NAALADL2: variants seen among roughly 807,000 people sequenced by gnomAD.
NAALADL2 encodes the protein N-acetylated alpha-linked acidic dipeptidase like 2, also known as inactive N-acetylated-alpha-linked acidic dipeptidase-like protein 2.
NAALADL2 carries 76 observed loss-of-function variants against 87.2 expected under a neutral mutation model. That is an observed-to-expected ratio of 0.87 (90% CI 0.72 to 1.05). The LOEUF (loss-of-function observed/expected upper bound fraction) is 1.05, where lower values mean the gene tolerates loss of function less well. Ranked by LOEUF, NAALADL2 falls within the 50% of genes least tolerant of loss-of-function variation. NAALADL2 has a pLI of 0.00. For synonymous variants in NAALADL2, 354 were observed against 331.0 expected (o/e 1.07, Z -0.75); for missense variants, 1,089 against 945.8 (o/e 1.15, Z -1.99).
chr3:174,859,768 T>C (rs1326216514), intron 1 of NAALADL2, among the ~76,000 whole-genome samples: 2 of 152,180 alleles, frequency 1.3e-5, no homozygotes, highest in Non-Finnish European at 2.9e-5. Flanking sequence ...ATAACCAACT[T>C]CCAGTGCATT....
At chr3:175,703,300 G>A (rs929611542) in intron 11 of NAALADL2, among the ~76,000 whole-genome samples, 5 of 152,116 alleles carry the variant, frequency 3.3e-5, no homozygotes, top group African/African-American at 1.2e-4. Flanking sequence ...AAATACTTCA[G>A]GAAGTCTATC....
At chr3:174,565,422 G>A (rs1044340183) in intron 2 of NAALADL2, among the ~76,000 whole-genome samples, 2 of 151,830 alleles carry the variant, frequency 1.3e-5, no homozygotes, top group Non-Finnish European at 2.9e-5. Context: ...TGAAATCATC[G>A]GAATGTAGCC....
At chr3:174,740,372 C>T (rs942479512) in intron 3 of NAALADL2, among the ~76,000 whole-genome samples, 27 of 151,870 alleles carry the variant, frequency 1.8e-4, no homozygotes, top group African/African-American at 6.5e-4. Flanking sequence ...TCCTTTCATG[C>T]TATGAAAAAT....
intron 4 of NAALADL2, among the ~76,000 whole-genome samples, chr3:175,268,365 A>ATAC (rs1314614604): frequency 1.4e-4 from 21 of 152,274 alleles, no homozygotes; most frequent in African/African-American, 5.1e-4. Context: ...TGTATAGGGC[A>ATAC]CTTAGCGTCA....
chr3:175,035,229 G>A (rs1305029360), intron 1 of NAALADL2, among the ~76,000 whole-genome samples: 1 of 152,154 alleles, frequency 6.6e-6, no homozygotes, highest in East Asian at 1.9e-4. Flanking sequence ...AGATATAAAA[G>A]AAGTTTGAAT....
At chr3:174,553,801 T>A (rs541018536) in intron 2 of NAALADL2, among the ~76,000 whole-genome samples, 6 of 152,290 alleles carry the variant, frequency 3.9e-5, no homozygotes, top group Middle Eastern at 3.4e-3. Flanking sequence ...TTCCATTTCT[T>A]GTGATTAATT....
intron 1 of NAALADL2, among the ~76,000 whole-genome samples, chr3:174,468,426 G>A (rs1716673708): frequency 1.4e-5 from 2 of 148,102 alleles, no homozygotes; most frequent in African/African-American, 5.0e-5. Context: ...TCTTGCCCAG[G>A]CTGGAGTGCA....
At chr3:175,290,950 T>C (rs1396923813) in intron 4 of NAALADL2, among the ~76,000 whole-genome samples, 1 of 152,192 alleles carries the variant, frequency 6.6e-6, no homozygotes, top group Non-Finnish European at 1.5e-5. Flanking sequence ...ATAACTTTAC[T>C]AGAGAAGTAA....
intron 3 of NAALADL2, among the ~76,000 whole-genome samples, chr3:174,788,792 A>T (rs1192295085): frequency 6.6e-6 from 1 of 152,126 alleles, no homozygotes; most frequent in African/African-American, 2.4e-5. Flanking sequence ...AAATACAGAG[A>T]TCTACCAAGC....
chr3:175,027,574 A>G (rs578220421), intron 1 of NAALADL2, among the ~76,000 whole-genome samples: 9 of 152,294 alleles, frequency 5.9e-5, no homozygotes, highest in African/African-American at 1.7e-4. Flanking sequence ...GTTCCAAATT[A>G]GAATGACTTA....
intron 1 of NAALADL2, among the ~76,000 whole-genome samples, chr3:175,007,589 C>T (rs2108789428): frequency 6.6e-6 from 1 of 152,176 alleles, no homozygotes; most frequent in East Asian, 1.9e-4. Context: ...GAAACATTTC[C>T]TAAAGACTTT....
intron 2 of NAALADL2, among the ~76,000 whole-genome samples, chr3:175,151,291 T>G (rs533221037): frequency 3.7e-4 from 57 of 152,246 alleles, no homozygotes; most frequent in Admixed American, 3.7e-3. Flanking sequence ...GTTGTCAAGT[T>G]CTTATTCACA....
chr3:174,694,058 A>G (rs760747683), intron 2 of NAALADL2, among the ~76,000 whole-genome samples: 7 of 152,108 alleles, frequency 4.6e-5, no homozygotes, highest in Non-Finnish European at 7.4e-5. Context: ...ACACCTCTGC[A>G]AATTGGTTAT....
chr3:175,408,997 A>G (rs138087984), intron 5 of NAALADL2, among the ~76,000 whole-genome samples: 14 of 152,078 alleles, frequency 9.2e-5, no homozygotes, highest in Middle Eastern at 3.4e-3. Context: ...ATACCCACAT[A>G]TCTTTGTCCA....
intron 5 of NAALADL2, among the ~76,000 whole-genome samples, chr3:175,428,124 C>A (rs1162754463): frequency 6.6e-6 from 1 of 151,988 alleles, no homozygotes; most frequent in Non-Finnish European, 1.5e-5. Flanking sequence ...TTTCTAGCAA[C>A]CCCCAAATGT....
intron 3 of NAALADL2, among the ~76,000 whole-genome samples, chr3:174,748,260 C>T (rs1734472505): frequency 6.6e-6 from 1 of 151,764 alleles, no homozygotes; most frequent in African/African-American, 2.4e-5. Context: ...CACTATGGCA[C>T]ATGTTTACCT....
intron 5 of NAALADL2, among the ~76,000 whole-genome samples, chr3:175,344,239 G>C (rs1049099094): frequency 3.3e-5 from 5 of 152,046 alleles, no homozygotes; most frequent in Admixed American, 2.6e-4. Context: ...TCTTTCAACA[G>C]TACTTCTTTG....
Position 175,389,621 on chromosome 3 carries a change from CTG to C in NAALADL2, c.1091-57605_1091-57604del, listed in dbSNP as rs1581692236. Among the ~76,000 whole-genome samples, 3 of 152,260 alleles carry C rather than the reference CTG, an allele frequency of 2.0e-5. No individual in the cohort carries two copies. In the East Asian group the frequency reaches 5.8e-4, roughly 29 times the overall value. ...CTTTGCATTTGCGTAAACAAGATAA[CTG>C]TGAATAAATCTTTCCTATTTTACCT... On this transcript the variant is annotated intron_variant, in intron 5 of 13. Transcript: ENST00000454872.
At chr3:174,787,576 CAT>C (rs71300440) in intron 3 of NAALADL2, among the ~76,000 whole-genome samples, 924 of 14,646 alleles carry the variant, frequency 0.063, 11 homozygotes, top group Middle Eastern at 0.11. Flanking sequence ...AATATATCAT[CAT>C]ATATATATAT....
Sources: gnomAD v4.1 joint callset for allele counts (sites outside exome capture counted in the v4.1 genomes callset) on GRCh38, gnomAD v4.1.1 for gene constraint, MANE v1.5 for transcripts, NCBI Gene and HGNC (gene_info 2026-07-23, HGNC 2026-07-21) for gene names.